The following CUX2 variants were observed in gnomAD, a reference collection of about 807,000 sequenced individuals.
CUX2 encodes homeobox protein cut-like 2.
Under a neutral mutation model 144.8 loss-of-function variants are expected in CUX2, and 40 were observed. The observed-to-expected ratio is 0.28, with a 90% confidence interval of 0.21 to 0.36. The LOEUF is 0.36. Among genes scored for constraint, CUX2 ranks in the 10% least tolerant of loss-of-function variants. The pLI, the probability that CUX2 is intolerant of heterozygous loss-of-function variation, is 1.00. For missense variants in CUX2, 1,615 were observed against 1,994.0 expected (o/e 0.81, Z 3.62); for synonymous variants, 827 against 875.6 (o/e 0.94, Z 0.98).
At chr12:111,296,433 C>G in intron 7 of CUX2, 40 bp from the exon 8 acceptor site, 1 of 1,568,886 alleles carries the variant, frequency 6.4e-7, no homozygotes, top group Non-Finnish European at 8.7e-7. Flanking sequence ...CTCCTTCCCA[C>G]TCGGAGGTGG....
intron 1 of CUX2, among the ~76,000 whole-genome samples, chr12:111,133,681 C>G (rs1490910508): frequency 6.6e-6 from 1 of 152,120 alleles, no homozygotes; most frequent in Non-Finnish European, 1.5e-5. Flanking sequence ...GGAATTCAGT[C>G]TAGTTACAAG....
intron 16 of CUX2, among the ~76,000 whole-genome samples, chr12:111,319,556 G>A (rs890459997): frequency 2.6e-5 from 4 of 152,070 alleles, no homozygotes; most frequent in Non-Finnish European, 5.9e-5. Flanking sequence ...GGCCAACATG[G>A]CAAAACCCTG....
chr12:111,269,026 G>T (rs1884519252), intron 4 of CUX2, among the ~76,000 whole-genome samples: 1 of 152,192 alleles, frequency 6.6e-6, no homozygotes. Context: ...CTTACTGCGT[G>T]ACTGCAGAGG....
intron 1 of CUX2, among the ~76,000 whole-genome samples, chr12:111,085,106 G>T (rs1002075437): frequency 5.9e-5 from 9 of 152,148 alleles, no homozygotes; most frequent in Non-Finnish European, 1.2e-4. Context: ...AAAAATAAAT[G>T]AACATCATGA....
chr12:111,295,284 G>A lies in CUX2; in HGVS notation c.561-49G>A, dbSNP rs1268262045. ...ATGGGGCTCGACTCGGGGGCCCCAG[G>A]CAAGGCCTGTCCCTGCAGCCAGCAC... On this transcript the variant is annotated intron_variant, in intron 6 of 21. Transcript: ENST00000261726. The surrounding 1 kb of genome is among the most constrained non-coding windows in gnomAD (Gnocchi z 5.0). 6.3e-7 allele frequency: 1 copy of A among 1,590,310 alleles called. No homozygotes were observed.
intron 1 of CUX2, among the ~76,000 whole-genome samples, chr12:111,047,146 C>T (rs756443277): frequency 6.6e-6 from 1 of 152,202 alleles, no homozygotes; most frequent in African/African-American, 2.4e-5. Flanking sequence ...CGCTGGGTCC[C>T]GGAGCCGCGT....
At chr12:111,144,158 T>G (rs1876513792) in intron 1 of CUX2, among the ~76,000 whole-genome samples, 1 of 152,156 alleles carries the variant, frequency 6.6e-6, no homozygotes, top group Non-Finnish European at 1.5e-5. Flanking sequence ...GCCTTTAATA[T>G]CTCCATCTCC....
intron 1 of CUX2, among the ~76,000 whole-genome samples, chr12:111,177,548 G>A (rs899289628): frequency 1.3e-4 from 20 of 152,100 alleles, no homozygotes; most frequent in Admixed American, 6.5e-4. Flanking sequence ...GCGCCACCAC[G>A]CCTGGCTAAT....
chr12:111,075,399 A>G (rs1871477215), intron 1 of CUX2, among the ~76,000 whole-genome samples: 1 of 151,946 alleles, frequency 6.6e-6, no homozygotes, highest in South Asian at 2.1e-4. Context: ...GGTCCGTAAG[A>G]GTTTGTTGGA....
intron 1 of CUX2, among the ~76,000 whole-genome samples, chr12:111,202,190 C>T (rs1186744683): frequency 1.3e-5 from 2 of 152,212 alleles, no homozygotes; most frequent in African/African-American, 4.8e-5. Flanking sequence ...GGGGGAAGCA[C>T]TCTCTGGCCT....
chr12:111,098,512 G>C (rs1445522498), intron 1 of CUX2, among the ~76,000 whole-genome samples: 3 of 152,240 alleles, frequency 2.0e-5, no homozygotes, highest in African/African-American at 7.2e-5. Context: ...TTTCAAAGTA[G>C]ATACGCATCT....
chr12:111,316,296 G>A (rs559203476), intron 16 of CUX2, among the ~76,000 whole-genome samples: 44 of 142,638 alleles, frequency 3.1e-4, no homozygotes, highest in African/African-American at 1.1e-3. Context: ...GTGCCACCAC[G>A]CCCGGTTAAT....
intron 1 of CUX2, among the ~76,000 whole-genome samples, chr12:111,176,762 T>G (rs1222210371): frequency 6.6e-6 from 1 of 152,188 alleles, no homozygotes; most frequent in Non-Finnish European, 1.5e-5. Flanking sequence ...GGCTGAAACT[T>G]GTTCACATGT....
intron 1 of CUX2, among the ~76,000 whole-genome samples, chr12:111,118,963 G>C (rs1874463292): frequency 6.6e-6 from 1 of 152,158 alleles, no homozygotes; most frequent in Non-Finnish European, 1.5e-5. Context: ...AAACATGTTA[G>C]GAAAATTGAG....
At chr12:111,281,081 T>C (rs577276378) in intron 4 of CUX2, among the ~76,000 whole-genome samples, 11 of 152,242 alleles carry the variant, frequency 7.2e-5, no homozygotes, top group Non-Finnish European at 1.5e-4. Context: ...ACGCCACTTT[T>C]CACAGAGCAG....
At chr12:111,084,195 A>T (rs1872063940) in intron 1 of CUX2, among the ~76,000 whole-genome samples, 1 of 152,190 alleles carries the variant, frequency 6.6e-6, no homozygotes, top group Non-Finnish European at 1.5e-5. Context: ...GTGAAGACTG[A>T]ATCAGCAGGA....
chr12:111,046,792 G>C (rs1170148989), intron 1 of CUX2, among the ~76,000 whole-genome samples: 1 of 152,152 alleles, frequency 6.6e-6, no homozygotes, highest in Non-Finnish European at 1.5e-5. Flanking sequence ...AAGTAGCTGG[G>C]ATTACAAGCG....
Position 111,310,163 on chromosome 12 carries a change from C to T in CUX2, c.1381C>T (p.Gln461Ter). 1 of 1,553,306 alleles carries T rather than the reference C, an allele frequency of 6.4e-7. No homozygotes were observed. The highest frequency in any genetic ancestry group is 8.7e-7 in the Non-Finnish European group (1 of 1,151,332). ...PEDPLSPSPG[Q>*]PLLGPSLGPD... ...AGACCCCCTGTCTCCCAGCCCCGGG[C>T]AGCCCCTGCTGGGCCCCAGCTTGGG... The change falls in exon 15 of 22, where the codon CAG becomes TAG. Residue 461 changes from glutamine (Q) to a stop codon, truncating the protein, a stop_gained. Transcript: ENST00000261726. LOFTEE classifies it high-confidence loss of function. The surrounding 1 kb of genome is among the most constrained non-coding windows in gnomAD (Gnocchi z 7.9).
At chr12:111,258,153 C>T (rs1304784989) in intron 3 of CUX2, among the ~76,000 whole-genome samples, 4 of 152,174 alleles carry the variant, frequency 2.6e-5, no homozygotes, top group Non-Finnish European at 5.9e-5. Context: ...ACTTGATGCA[C>T]GGACAAACTG....
Sources: gnomAD v4.1 joint callset for allele counts (sites outside exome capture counted in the v4.1 genomes callset) on GRCh38, gnomAD v4.1.1 for gene constraint, Gnocchi (gnomAD v3.1) non-coding constraint, MANE v1.5 for transcripts, NCBI Gene and HGNC (gene_info 2026-07-23, HGNC 2026-07-21) for gene names.